The following NUDT7 variants were observed in gnomAD, a reference collection of about 807,000 sequenced individuals.
The protein encoded by NUDT7 is peroxisomal coenzyme A diphosphatase NUDT7.
In NUDT7, 19 loss-of-function variants were observed where a neutral mutation model predicts 13.1. That is an observed-to-expected ratio of 1.45 (90% CI 1.01 to 2.13). The LOEUF (loss-of-function observed/expected upper bound fraction) is 2.13, where lower values mean the gene tolerates loss of function less well. NUDT7 is among the 30% of genes most tolerant of loss of function. The pLI is 0.00. For synonymous variants in NUDT7, 132 were observed against 109.7 expected (o/e 1.20, Z -1.27); for missense variants, 360 against 291.7 (o/e 1.23, Z -1.71).
intron 2 of NUDT7, among the ~76,000 whole-genome samples, chr16:77,734,438 A>G (rs967787440): frequency 6.6e-6 from 1 of 152,172 alleles, no homozygotes; most frequent in African/African-American, 2.4e-5. Flanking sequence ...TCTGGCTAAC[A>G]TGGTGAAACC....
intron 2 of NUDT7, among the ~76,000 whole-genome samples, chr16:77,727,354 G>A (rs2014169206): frequency 6.6e-6 from 1 of 152,086 alleles, no homozygotes; most frequent in Non-Finnish European, 1.5e-5. Context: ...AAAAAAAAAT[G>A]CCAAGGAATC....
intron 3 of NUDT7, among the ~76,000 whole-genome samples, chr16:77,740,036 C>T (rs967766295): frequency 9.2e-5 from 14 of 152,222 alleles, no homozygotes; most frequent in African/African-American, 2.4e-5. Flanking sequence ...CATCTGAGTC[C>T]TTATCTCAGA....
intron 3 of NUDT7, among the ~76,000 whole-genome samples, chr16:77,739,717 A>T (rs1778927097): frequency 6.6e-6 from 1 of 152,136 alleles, no homozygotes; most frequent in African/African-American, 2.4e-5. Flanking sequence ...AACGCCTCTG[A>T]CAACACTTGG....
intron 2 of NUDT7, among the ~76,000 whole-genome samples, chr16:77,727,814 G>A (rs2014185818): frequency 6.6e-6 from 1 of 152,034 alleles, no homozygotes; most frequent in Non-Finnish European, 1.5e-5. Flanking sequence ...CCGAGATCGT[G>A]CCACTGCACT....
intron 3 of NUDT7, among the ~76,000 whole-genome samples, chr16:77,740,203 C>T (rs1334658302): frequency 6.6e-6 from 1 of 152,152 alleles, no homozygotes; most frequent in Non-Finnish European, 1.5e-5. Context: ...CTCTTGTCTC[C>T]TCCTGGTCCA....
At chr16:77,735,294 C>T (rs1429891431) in intron 2 of NUDT7, 1 of 410,530 alleles carries the variant, frequency 2.4e-6, no homozygotes, top group Admixed American at 4.1e-5. Flanking sequence ...GCGGATTTCC[C>T]CCTTGGTACT....
Position 77,741,973 on chromosome 16 carries a change from A to G in NUDT7, c.*23A>G. ...TGATTTACTAGAGCAAGAGACAAAG[A>G]ACTATTCACGAGGATTCTGTGTGTG... is the stretch of plus-strand genomic sequence containing the variant. On this transcript the variant is annotated 3_prime_UTR_variant, in exon 4 of 4. Coordinates refer to ENST00000268533, the MANE Select transcript of NUDT7 (RefSeq NM_001105663.3). The G allele has an allele frequency of 6.4e-7, 1 of 1,551,784 alleles. No individual in the cohort carries two copies. The highest frequency in any genetic ancestry group is 8.7e-7 in the Non-Finnish European group (1 of 1,154,160).
intron 3 of NUDT7, 109 bp downstream of exon 3, chr16:77,736,095 A>C: frequency 9.8e-7 from 1 of 1,023,278 alleles, no homozygotes; most frequent in Non-Finnish European, 1.4e-6. Flanking sequence ...ACTGTACATA[A>C]AGTCAAGAGA....
At position 77,736,152 on chromosome 16, in the gene NUDT7, G is replaced by A. The variant is rs1322693971; in HGVS notation, c.348+166G>A. On this transcript the variant is annotated intron_variant, in intron 3 of 3. Transcript: ENST00000268533. ...GCCCCTCATGAGTCAAGTGGCTATG[G>A]GCAACCCCTTTTGCCTCTCCGGACC... 2.4e-5 allele frequency: 15 copies of A among 613,286 alleles called. No homozygotes were observed. The East Asian group carries it at 4.2e-4, about 17-fold the overall frequency. The allele number at this position is 613,286 out of a possible 1,614,324, so 38.0% of individuals were successfully genotyped here.
rs2013993377 is a variant in NUDT7 at position 77,722,624 on chromosome 16, G to A, written c.35+7G>A. The A allele has an allele frequency of 6.3e-7, 1 of 1,591,066 alleles. No homozygotes were observed. Among genetic ancestry groups the A allele is most frequent in the Non-Finnish European group, 8.6e-7 (1 of 1,168,156 alleles). On this transcript the variant is annotated splice_region_variant and intron_variant, in intron 1 of 3. Coordinates refer to ENST00000268533, the MANE Select transcript of NUDT7 (RefSeq NM_001105663.3). ...TTCCCGAGGAGCCAGTCAGGTAAAG[G>A]CTTTCCGGGCCCTGGCACCCCGAGC...
chr16:77,733,525 G>T (rs1243315949), intron 2 of NUDT7, among the ~76,000 whole-genome samples: 5 of 152,190 alleles, frequency 3.3e-5, no homozygotes, highest in African/African-American at 7.2e-5. Flanking sequence ...GGATTCATGG[G>T]AGAATAAACA....
Position 77,731,198 on chromosome 16 carries a change from C to A in NUDT7, c.190-4630C>A, listed in dbSNP as rs140327856. 9.5e-3 allele frequency among the ~76,000 whole-genome samples: 1,444 copies of A among 152,210 alleles called. 32 individuals carry two copies. The highest frequency in any genetic ancestry group is 0.034 in the African/African-American group (1,400 of 41,536). On this transcript the variant is annotated intron_variant, in intron 2 of 3. Coordinates refer to ENST00000268533, the MANE Select transcript of NUDT7 (RefSeq NM_001105663.3). ...CTTGAGAGCAATGTTCTCACTAATC[C>A]AAAATGATCTTTTCCAATTCCTATT... is the stretch of plus-strand genomic sequence containing the variant.
chr16:77,736,861 G>T (rs1208455523), intron 3 of NUDT7: 1 of 154,602 alleles, frequency 6.5e-6, no homozygotes, highest in African/African-American at 2.4e-5. Flanking sequence ...GTATGATCTT[G>T]GATAACAGCA....
At chr16:77,735,092 A>C (rs74026807) in intron 2 of NUDT7, among the ~76,000 whole-genome samples, 2,306 of 152,278 alleles carry the variant, frequency 0.015, 62 homozygotes, top group African/African-American at 0.052. Context: ...ATAAGCAGCC[A>C]TTAAAGGACT....
rs554194432 is a variant in NUDT7, at chr16:77,739,770, C to G, written c.349-1812C>G. On this transcript the variant is annotated intron_variant, in intron 3 of 3. Transcript: ENST00000268533. ...CTGGTACCCTTGATACTGGAGCCAC[C>G]TTGCCATGTGTCCTGCACAGAGAGC... is the stretch of plus-strand genomic sequence containing the variant. 7.2e-5 allele frequency among the ~76,000 whole-genome samples: 11 copies of G among 152,294 alleles called. No individual in the cohort carries two copies. In the South Asian group the frequency reaches 2.1e-3, roughly 29 times the overall value.
At chr16:77,728,385 A>G (rs1416422452) in intron 2 of NUDT7, among the ~76,000 whole-genome samples, 2 of 152,162 alleles carry the variant, frequency 1.3e-5, no homozygotes, top group Non-Finnish European at 2.9e-5. Flanking sequence ...GGTGCACGCC[A>G]CCACGCCTGG....
chr16:77,737,866 A>G (rs2014541028), intron 3 of NUDT7, among the ~76,000 whole-genome samples: 1 of 152,038 alleles, frequency 6.6e-6, no homozygotes, highest in African/African-American at 2.4e-5. Flanking sequence ...TTAGAAAACC[A>G]GTGGGTTAGA....
rs564003535 is a variant in NUDT7, at chr16:77,727,342, TA to T, written c.189+1768del. On this transcript the variant is annotated intron_variant, in intron 2 of 3. Transcript: ENST00000268533. ...GCAGAATAATGAAAAGTATTTTGTT[TA>T]AAAAAAAAATGCCAAGGAATCAGCT... Among the ~76,000 whole-genome samples, 1,061 of 150,490 alleles carry T rather than the reference TA, an allele frequency of 7.1e-3. 9 individuals carry two copies. Among genetic ancestry groups the T allele is most frequent in the Admixed American group, 0.012 (181 of 15,042 alleles).
At chr16:77,726,057 C>A (rs1471920230) in intron 2 of NUDT7, among the ~76,000 whole-genome samples, 1 of 152,114 alleles carries the variant, frequency 6.6e-6, no homozygotes, top group African/African-American at 2.4e-5. Flanking sequence ...TGCCAAATTG[C>A]CCCCCACCAA....
Sources: allele counts gnomAD v4.1 joint callset (sites outside exome capture counted in the v4.1 genomes callset), GRCh38; gene constraint gnomAD v4.1.1; transcripts MANE v1.5; gene names NCBI Gene and HGNC (gene_info 2026-07-23, HGNC 2026-07-21).